Variants in RNF14 observed in about 807,000 individuals in gnomAD.
The protein encoded by RNF14 is ring finger protein 14.
In RNF14, 26 loss-of-function variants were observed where a neutral mutation model predicts 52.6. The ratio of observed to expected loss-of-function variants is 0.49; its 90% CI spans 0.36 to 0.69. The LOEUF (loss-of-function observed/expected upper bound fraction) is 0.69, where lower values mean the gene tolerates loss of function less well. RNF14 is among the 30% of genes least tolerant of loss of function. RNF14 has a pLI of 0.00. For synonymous variants in RNF14, 194 were observed against 202.0 expected (o/e 0.96, Z 0.34); for missense variants, 404 against 560.4 (o/e 0.72, Z 2.82).
intron 8 of RNF14, among the ~76,000 whole-genome samples, chr5:141,985,913 CTT>C (rs1373478219): frequency 6.6e-6 from 1 of 152,186 alleles, no homozygotes; most frequent in Non-Finnish European, 1.5e-5. Context: ...ACCTTCTAGA[CTT>C]TTATTTGTCC....
upstream of RNF14, chr5:141,955,869 G>A (rs1027415601): frequency 3.1e-6 from 5 of 1,614,052 alleles, no homozygotes; most frequent in Non-Finnish European, 4.2e-6. The surrounding 1 kb of genome is among the most constrained non-coding windows in gnomAD (Gnocchi z 5.5). Context: ...TGCTGGCATT[G>A]GTGACATTGA....
rs114761183 is a variant in RNF14 at position 141,959,847 on chromosome 5, A to T, written c.-181+1422A>T. On this transcript the variant is annotated intron_variant, in intron 1 of 4. Coordinates refer to the RNF14 transcript ENST00000506822. ...CAAGCTCTGAGACACTGCACAAGGG[A>T]CTTAACCTCTCCTAGCCTCTGTTTC... is the stretch of plus-strand genomic sequence containing the variant. Among the ~76,000 whole-genome samples, 1,095 of 152,234 alleles carry T rather than the reference A, an allele frequency of 7.2e-3. 7 individuals are homozygous for T. The highest frequency in any genetic ancestry group is 0.011 in the South Asian group (54 of 4,826).
At chr5:141,968,482 G>A (rs1439748613), upstream of RNF14, among the ~76,000 whole-genome samples, 1 of 152,166 alleles carries the variant, frequency 6.6e-6, no homozygotes, top group Non-Finnish European at 1.5e-5. Context: ...TATGGTGTGA[G>A]GAAGGAAGTG....
intron 6 of RNF14, among the ~76,000 whole-genome samples, chr5:141,980,923 G>C (rs1381392434): frequency 6.6e-6 from 1 of 152,152 alleles, no homozygotes; most frequent in Non-Finnish European, 1.5e-5. Context: ...GCCCAGAGAG[G>C]CCTCAGAATC....
At chr5:141,964,351 T>C (rs1940089088), upstream of RNF14, among the ~76,000 whole-genome samples, 1 of 152,180 alleles carries the variant, frequency 6.6e-6, no homozygotes, top group Admixed American at 6.5e-5. Context: ...ACCAATTGCC[T>C]GGGTTCAGGG....
chr5:141,985,312 C>A (rs1416712816), intron 8 of RNF14, among the ~76,000 whole-genome samples: 2 of 152,036 alleles, frequency 1.3e-5, no homozygotes, highest in African/African-American at 4.8e-5. Flanking sequence ...CACGTTTCTC[C>A]TAAGATAAGG....
upstream of RNF14, chr5:141,956,612 T>C: frequency 6.2e-7 from 1 of 1,614,212 alleles, no homozygotes; most frequent in Non-Finnish European, 8.5e-7. Context: ...GTGGCATTGG[T>C]TAGCAACATG....
chr5:141,976,817 C>G (rs1754311126), intron 4 of RNF14, among the ~76,000 whole-genome samples: 2 of 137,466 alleles, frequency 1.5e-5, no homozygotes, highest in Admixed American at 1.5e-4. Context: ...GAGATGGAGT[C>G]TTGCTCTGTC....
intron 1 of RNF14, chr5:141,969,436 A>T (rs1376836745): frequency 6.6e-6 from 1 of 152,314 alleles, no homozygotes; most frequent in Non-Finnish European, 1.5e-5. Flanking sequence ...CAGCTCACAC[A>T]TCCGCATTGC....
upstream of RNF14, chr5:141,956,097 T>C (rs1314213400): frequency 6.2e-7 from 1 of 1,614,140 alleles, no homozygotes. Flanking sequence ...GCAGGTGGCC[T>C]GTGGAGGCAT....
At chr5:141,979,286 G>A (rs1241358917) in intron 5 of RNF14, among the ~76,000 whole-genome samples, 1 of 152,094 alleles carries the variant, frequency 6.6e-6, no homozygotes, top group Non-Finnish European at 1.5e-5. Flanking sequence ...GTCTTGCTGT[G>A]TCACCCAGGA....
At chr5:141,955,625 C>G (rs1753166460), upstream of RNF14, 1 of 1,614,060 alleles carries the variant, frequency 6.2e-7, no homozygotes, top group Non-Finnish European at 8.5e-7. The surrounding 1 kb of genome is among the most constrained non-coding windows in gnomAD (Gnocchi z 5.5). Flanking sequence ...TCCTTCTTTT[C>G]TGTCCGGCAG....
rs975150560 is a variant in RNF14 at position 141,989,136 on chromosome 5, A to C, written c.*1346A>C. 1 of 152,310 alleles carries C rather than the reference A, an allele frequency of 6.6e-6. No homozygotes were observed. The highest frequency in any genetic ancestry group is 1.5e-5 in the Non-Finnish European group (1 of 68,044). 9.4% of individuals were successfully genotyped at this position (152,310 alleles called of 1,614,324 possible). On this transcript the variant is annotated 3_prime_UTR_variant, in exon 9 of 9. Transcript: ENST00000394520. ...GGATTATGTTTTTGGATTGTCAAAG[A>C]GGATGCTTAGTCTTAAAATAAAAAT...
In RNF14 at chr5:141,980,195, A is replaced by T; in HGVS notation, c.907A>T (p.Met303Leu). 1 of 1,614,226 alleles carries T rather than the reference A, an allele frequency of 6.2e-7. No homozygotes were observed. Among genetic ancestry groups the T allele is most frequent in the Non-Finnish European group, 8.5e-7 (1 of 1,180,040 alleles). ...RLLLQSSLDL[M>L]ADVVYCPRPC... ...TCTCCTCCAGTCCTCCTTGGACCTG[A>T]TGGCAGATGTGGTGTACTGCCCCCG... is the stretch of plus-strand genomic sequence containing the variant. The change falls in exon 6 of 9, where the codon ATG (methionine) becomes TTG (leucine). Residue 303 changes from methionine (M) to leucine (L), a missense_variant. Met to Leu is a conservative substitution (Grantham distance 15, BLOSUM62 2). Transcript: ENST00000394520.
chr5:141,975,240 T>G (rs1754141908), intron 4 of RNF14, among the ~76,000 whole-genome samples: 1 of 152,254 alleles, frequency 6.6e-6, no homozygotes, highest in Non-Finnish European at 1.5e-5. Flanking sequence ...CTGTTTAATC[T>G]GTATTATAAT....
upstream of RNF14, among the ~76,000 whole-genome samples, chr5:141,962,011 T>A (rs577313802): frequency 6.6e-5 from 10 of 152,110 alleles, no homozygotes; most frequent in African/African-American, 1.9e-4. Context: ...CCAAGAAGCA[T>A]CCTCCGGCTT....
At chr5:141,962,362 C>G (rs1355741365), upstream of RNF14, among the ~76,000 whole-genome samples, 1 of 152,224 alleles carries the variant, frequency 6.6e-6, no homozygotes, top group East Asian at 1.9e-4. Context: ...ATCGAAGTCA[C>G]TTGGAAAGCT....
At chr5:141,975,067 T>C in intron 4 of RNF14, 112 bp downstream of exon 4, 1 of 1,186,666 alleles carries the variant, frequency 8.4e-7, no homozygotes, top group South Asian at 1.4e-5. Context: ...CAAATGGCTT[T>C]GGTTTTGTAA....
At chr5:141,949,723 ATCATGT>A in the RNF14 span, 1 of 888,258 alleles carries the variant, frequency 1.1e-6, no homozygotes, top group Non-Finnish European at 1.7e-6. Context: ...ACCAACCTGG[ATCATGT>A]GATTCCCGCC....
Sources: allele counts gnomAD v4.1 joint callset (sites outside exome capture counted in the v4.1 genomes callset), GRCh38; gene constraint gnomAD v4.1.1; non-coding constraint Gnocchi (gnomAD v3.1); transcripts MANE v1.5; gene names NCBI Gene and HGNC (gene_info 2026-07-23, HGNC 2026-07-21).